SEPTIN10: variants seen among roughly 807,000 people sequenced by gnomAD.
SEPTIN10 encodes the protein septin 10.
SEPTIN10 carries 66 observed loss-of-function variants against 54.8 expected under a neutral mutation model. That is an observed-to-expected ratio of 1.21 (90% CI 0.99 to 1.48). SEPTIN10 has a LOEUF of 1.48. Ranked by LOEUF, SEPTIN10 falls within the 40% of genes most tolerant of loss-of-function variation. The pLI, the probability that SEPTIN10 is intolerant of heterozygous loss-of-function variation, is 0.00. For missense variants in SEPTIN10, 620 were observed against 545.6 expected (o/e 1.14, Z -1.36); for synonymous variants, 161 against 181.0 (o/e 0.89, Z 0.89).
intron 4 of SEPTIN10, among the ~76,000 whole-genome samples, chr2:109,582,510 CGAG>C (rs1417558113): frequency 6.6e-6 from 1 of 151,958 alleles, no homozygotes; most frequent in Non-Finnish European, 1.5e-5. Flanking sequence ...TTTGTAGAGA[CGAG>C]GTCCCACCAT....
chr2:109,598,094 C>A (rs867747541), intron 1 of SEPTIN10, among the ~76,000 whole-genome samples: 140 of 152,136 alleles, frequency 9.2e-4, no homozygotes, highest in African/African-American at 3.3e-3. Context: ...TGGAGTCTTG[C>A]TCTCGTTGCC....
At chr2:109,609,097 T>A (rs1351168758) in intron 1 of SEPTIN10, among the ~76,000 whole-genome samples, 3 of 152,222 alleles carry the variant, frequency 2.0e-5, no homozygotes, top group Non-Finnish European at 2.9e-5. Flanking sequence ...TATGTTATAA[T>A]GAAAATCGGT....
In SEPTIN10 at chr2:109,574,571, C is replaced by T. The variant is rs1323508182; in HGVS notation, c.600+10G>A. 1 of 1,483,070 alleles carries T rather than the reference C, an allele frequency of 6.7e-7. No homozygotes were observed. The highest frequency in any genetic ancestry group is 2.4e-5 in the East Asian group (1 of 41,274). The allele number at this position is 1,483,070 out of a possible 1,614,324, so 91.9% of individuals were successfully genotyped here. The stretch of plus-strand genomic sequence containing the variant: ...AAAGTATGGTAAGTTGATTCCTTTC[C>T]TCAACCCACCTTGCTGTCAAGGTTC... On this transcript the variant is annotated intron_variant, in intron 5 of 10. Transcript: ENST00000397712.
At chr2:109,612,274 C>T (rs1255882074) in intron 1 of SEPTIN10, among the ~76,000 whole-genome samples, 1 of 151,712 alleles carries the variant, frequency 6.6e-6, no homozygotes, top group Non-Finnish European at 1.5e-5. Context: ...AGAATAAAAA[C>T]GAATCACTGA....
At chr2:109,584,587 T>C (rs1284693302) in intron 4 of SEPTIN10, among the ~76,000 whole-genome samples, 1 of 151,738 alleles carries the variant, frequency 6.6e-6, no homozygotes, top group South Asian at 2.1e-4. Context: ...TGATAGAGCA[T>C]AGAATCTCTA....
chr2:109,554,067 C>G (rs1683771631), intron 8 of SEPTIN10, among the ~76,000 whole-genome samples: 1 of 152,096 alleles, frequency 6.6e-6, no homozygotes, highest in Non-Finnish European at 1.5e-5. Context: ...AGACTCAAAA[C>G]CCTTCTAATA....
intron 4 of SEPTIN10, among the ~76,000 whole-genome samples, chr2:109,579,396 T>G (rs1690546393): frequency 6.6e-6 from 1 of 151,956 alleles, no homozygotes; most frequent in African/African-American, 2.4e-5. Context: ...TTTTTTTTTT[T>G]TTTTGAGATG....
Position 109,564,508 on chromosome 2 carries a change from CA to C in SEPTIN10, c.885del (p.Phe295LeufsTer2), listed in dbSNP as rs1686483486. 1 of 1,547,340 alleles carries C rather than the reference CA, an allele frequency of 6.5e-7. No individual in the cohort carries two copies. The highest frequency in any genetic ancestry group is 1.3e-5 in the South Asian group (1 of 79,210). ...VQVENENHCDFVKLREMLICT... is the reference protein window; with the variant it reads ...VQVENENHCDXVKLREMLICT... ...CAAATGAGCATTTCCCGCAGCTTTA[CA>C]AAGTCACAGTGGTTTTCATTTTCCA... On this transcript the variant is annotated frameshift_variant, in exon 8 of 11. Transcript: ENST00000397712. LOFTEE classifies it high-confidence loss of function.
intron 4 of SEPTIN10, among the ~76,000 whole-genome samples, chr2:109,579,230 A>G (rs1690500734): frequency 6.6e-6 from 1 of 152,214 alleles, no homozygotes; most frequent in African/African-American, 2.4e-5. Context: ...GTCTCTCAAC[A>G]AAGTAAAACC....
rs185407166 is a variant in SEPTIN10, at chr2:109,593,396, G to T, written c.31-277C>A. Among the ~76,000 whole-genome samples, 281 of 142,120 alleles carry T rather than the reference G, an allele frequency of 2.0e-3. 1 individual carries two copies. Among genetic ancestry groups the T allele is most frequent in the African/African-American group, 6.8e-3 (260 of 38,140 alleles). 93.2% of individuals were successfully genotyped at this position (142,120 alleles called of 152,430 possible). A position where few individuals can be genotyped will look rare whatever the true frequency, so the allele number is the denominator to read the frequency against. On this transcript the variant is annotated intron_variant, in intron 1 of 10. Coordinates refer to ENST00000397712, the MANE Select transcript of SEPTIN10 (RefSeq NM_144710.5). ...ATTAGTAAACTTCCATTTACAAGTA[G>T]AGAGAGAAAGAACTTTTTTTTTTTT...
At chr2:109,545,343 A>C (rs1680905366) in intron 10 of SEPTIN10, 1 of 1,496,638 alleles carries the variant, frequency 6.7e-7, no homozygotes, top group Non-Finnish European at 8.9e-7. Flanking sequence ...AGGAAAAATA[A>C]ACTTATTTTC....
chr2:109,611,792 A>G (rs746300889), intron 1 of SEPTIN10, among the ~76,000 whole-genome samples: 1 of 152,156 alleles, frequency 6.6e-6, no homozygotes, highest in African/African-American at 2.4e-5. Flanking sequence ...GTGTCACTAT[A>G]TACCTATAAG....
intron 7 of SEPTIN10, 92 bp from the exon 8 acceptor site, chr2:109,564,626 A>G: frequency 7.2e-6 from 8 of 1,116,122 alleles, no homozygotes; most frequent in Non-Finnish European, 9.6e-6. Context: ...AAATGAAAAC[A>G]TGTGAAACAA....
chr2:109,549,463 A>G lies in SEPTIN10; in HGVS notation c.1162-3226T>C, dbSNP rs1254105080. Among the ~76,000 whole-genome samples the G allele has an allele frequency of 2.0e-5, 3 of 152,226 alleles. No individual in the cohort carries two copies. The East Asian group carries it at 5.8e-4, about 29-fold the overall frequency. On this transcript the variant is annotated intron_variant, in intron 9 of 10. Transcript: ENST00000397712. Reference sequence around the variant, plus strand: ...GTGACTGTTATTCACACTGGGTGGCATTTCCAGCTCTGGCTATCAACAACT... The same window carrying G: ...GTGACTGTTATTCACACTGGGTGGCGTTTCCAGCTCTGGCTATCAACAACT...
intron 1 of SEPTIN10, among the ~76,000 whole-genome samples, chr2:109,609,349 G>A (rs1327093498): frequency 6.6e-6 from 1 of 152,148 alleles, no homozygotes; most frequent in East Asian, 1.9e-4. Context: ...AATAATACAG[G>A]TTGCTCTTCC....
intron 1 of SEPTIN10, 138 bp downstream of exon 1, chr2:109,613,660 G>A: frequency 1.8e-6 from 1 of 548,848 alleles, no homozygotes; most frequent in Non-Finnish European, 2.6e-6. Flanking sequence ...CGGAAGCCGG[G>A]GAGCACTGGG....
intron 9 of SEPTIN10, among the ~76,000 whole-genome samples, chr2:109,549,528 T>C (rs1201796420): frequency 6.6e-6 from 1 of 152,220 alleles, no homozygotes; most frequent in Non-Finnish European, 1.5e-5. Context: ...GTTCCATTAT[T>C]CACTACGACA....
chr2:109,586,050 C>A (rs976736948), intron 2 of SEPTIN10, among the ~76,000 whole-genome samples: 1 of 152,136 alleles, frequency 6.6e-6, no homozygotes, highest in Non-Finnish European at 1.5e-5. Context: ...CCCCTTCATA[C>A]AACGAGAGTC....
At chr2:109,592,942 A>G (rs1164728571) in intron 2 of SEPTIN10, 109 bp downstream of exon 2, 1 of 604,102 alleles carries the variant, frequency 1.7e-6, no homozygotes, top group African/African-American at 1.9e-5. Flanking sequence ...GGAGGTAAGT[A>G]CAAACAGAAG....
Sources: gnomAD v4.1 joint callset for allele counts (sites outside exome capture counted in the v4.1 genomes callset) on GRCh38, gnomAD v4.1.1 for gene constraint, MANE v1.5 for transcripts, NCBI Gene and HGNC (gene_info 2026-07-23, HGNC 2026-07-21) for gene names.